Variants in NR4A3 observed in about 807,000 individuals in gnomAD.
NR4A3 encodes the protein nuclear receptor subfamily 4 group A member 3, also known as chondrosarcoma, extraskeletal myxoid, fused to EWS.
Under a neutral mutation model 55.6 loss-of-function variants are expected in NR4A3, and 13 were observed. The ratio of observed to expected loss-of-function variants is 0.23; its 90% CI spans 0.15 to 0.37. The LOEUF (loss-of-function observed/expected upper bound fraction) is 0.37, where lower values mean the gene tolerates loss of function less well. Ranked by LOEUF, NR4A3 falls within the 10% of genes least tolerant of loss-of-function variation. NR4A3 has a pLI of 1.00. For missense variants in NR4A3, 646 were observed against 822.8 expected (o/e 0.79, Z 2.63); for synonymous variants, 342 against 357.9 (o/e 0.96, Z 0.50).
chr9:99,856,139 C>T (rs930261722), intron 7 of NR4A3, among the ~76,000 whole-genome samples: 4 of 151,950 alleles, frequency 2.6e-5, no homozygotes, highest in African/African-American at 9.7e-5. Flanking sequence ...TTATTGCGCA[C>T]TTTATTTCTA....
chr9:99,857,628 T>C (rs1256902993), intron 7 of NR4A3, among the ~76,000 whole-genome samples: 1 of 151,890 alleles, frequency 6.6e-6, no homozygotes, highest in Non-Finnish European at 1.5e-5. Context: ...CTACTAAAAA[T>C]ACAAAAATTA....
In NR4A3 at chr9:99,859,076, T is replaced by G. The variant is rs113760270; in HGVS notation, c.1634-4544T>G. On this transcript the variant is annotated intron_variant, in intron 7 of 7. Transcript: ENST00000395097. Reference sequence around the variant, plus strand: ...ATTTCTGTATGTTACATATCAAAGTTTTGAATATGTAATGCCAGAGTTAAA... The same window carrying G: ...ATTTCTGTATGTTACATATCAAAGTGTTGAATATGTAATGCCAGAGTTAAA... 2.2e-3 allele frequency among the ~76,000 whole-genome samples: 328 copies of G among 152,298 alleles called. 2 individuals carry two copies. Among genetic ancestry groups the G allele is most frequent in the African/African-American group, 7.6e-3 (318 of 41,570 alleles).
At chr9:99,860,213 CG>C (rs1016875268) in intron 7 of NR4A3, among the ~76,000 whole-genome samples, 8 of 116,390 alleles carry the variant, frequency 6.9e-5, no homozygotes, top group South Asian at 2.3e-4. Flanking sequence ...ATGTTGTAAA[CG>C]TTTTTTTTTT....
intron 5 of NR4A3, among the ~76,000 whole-genome samples, chr9:99,838,995 G>A (rs1827605548): frequency 6.6e-6 from 1 of 152,268 alleles, no homozygotes; most frequent in Non-Finnish European, 1.5e-5. Flanking sequence ...CTGAATGGCT[G>A]CTAGGTAGTA....
chr9:99,845,556 T>A (rs2118585933), intron 6 of NR4A3, among the ~76,000 whole-genome samples: 1 of 152,346 alleles, frequency 6.6e-6, no homozygotes, highest in Non-Finnish European at 1.5e-5. Context: ...TTCAGTTATA[T>A]ATTTTTAGGA....
chr9:99,829,975 G>A (rs1313914745), intron 3 of NR4A3, among the ~76,000 whole-genome samples: 2 of 152,194 alleles, frequency 1.3e-5, no homozygotes, highest in African/African-American at 4.8e-5. Context: ...CTGCCACTTA[G>A]GGAAAAGACC....
In NR4A3 at chr9:99,864,029, C is replaced by T; in HGVS notation, c.*162C>T. 2.6e-6 allele frequency: 2 copies of T among 766,474 alleles called. No homozygotes were observed. The highest frequency in any genetic ancestry group is 4.0e-6 in the Non-Finnish European group (2 of 502,200). 47.5% of individuals were successfully genotyped at this position (766,474 alleles called of 1,614,324 possible). A position where few individuals can be genotyped will look rare whatever the true frequency, so the allele number is the denominator to read the frequency against. On this transcript the variant is annotated 3_prime_UTR_variant, in exon 8 of 8. Transcript: ENST00000395097. ...CTTTTTTTTCTGGCTCTTTTCCTTA[C>T]AACCTAAAGCCAGAAAACTTGCAGA...
Position 99,828,239 on chromosome 9 carries a change from C to A in NR4A3, c.197C>A (p.Ser66Ter), listed in dbSNP as rs765586172. The change falls in exon 3 of 8, where the codon TCG (serine) becomes TAG (stop). Residue 66 changes from serine to a stop codon, truncating the protein, a stop_gained. Coordinates refer to ENST00000395097, the MANE Select transcript of NR4A3 (RefSeq NM_006981.4). LOFTEE classifies it high-confidence loss of function. This position sits in a 1 kb window ranked among gnomAD's most constrained non-coding sequence, Gnocchi z 7.7. ...PSISTFVEGY[S>*]SNYELKPSCV... is the part of the protein sequence containing the mutation. Reference sequence around the variant, plus strand: ...ATCAGTACCTTCGTGGAGGGCTACTCGAGCAACTACGAACTCAAGCCTTCC... The same window carrying A: ...ATCAGTACCTTCGTGGAGGGCTACTAGAGCAACTACGAACTCAAGCCTTCC... 1 of 1,614,044 alleles carries A rather than the reference C, an allele frequency of 6.2e-7. No individual in the cohort carries two copies. The highest frequency in any genetic ancestry group is 8.5e-7 in the Non-Finnish European group (1 of 1,179,982).
At position 99,823,935 on chromosome 9, in the gene NR4A3, C is replaced by T. The variant is rs555152554; in HGVS notation, c.-177+1528C>T. On this transcript the variant is annotated intron_variant, in intron 1 of 7. Transcript: ENST00000395097. ...GGTTGGAAACTCCGCAGAGGAGCCCCGGTCACAATGGTGCGTTTCACGGTT... is the reference window on the plus strand; with the variant it reads ...GGTTGGAAACTCCGCAGAGGAGCCCTGGTCACAATGGTGCGTTTCACGGTT... 1.3e-4 allele frequency among the ~76,000 whole-genome samples: 20 copies of T among 152,212 alleles called. 1 individual carries two copies. The East Asian group carries it at 1.9e-3, about 15-fold the overall frequency.
intron 7 of NR4A3, among the ~76,000 whole-genome samples, chr9:99,860,904 A>G (rs887186101): frequency 3.9e-5 from 6 of 152,242 alleles, no homozygotes; most frequent in African/African-American, 1.4e-4. Context: ...TTGAGCCACA[A>G]TAATCCATGG....
chr9:99,851,934 T>C (rs1207064822), intron 7 of NR4A3, among the ~76,000 whole-genome samples: 1 of 152,238 alleles, frequency 6.6e-6, no homozygotes, highest in African/African-American at 2.4e-5. Flanking sequence ...CCAAGCATTG[T>C]ACCAGTCTCT....
rs545624894 is a variant in NR4A3, at chr9:99,860,213, C to T, written c.1634-3407C>T. On this transcript the variant is annotated intron_variant, in intron 7 of 7. Transcript: ENST00000395097. ...TCTACTCTTTATTTAATGTTGTAAACGTTTTTTTTTTTAATTTTGCTTCAT... is the reference window on the plus strand; with the variant it reads ...TCTACTCTTTATTTAATGTTGTAAATGTTTTTTTTTTTAATTTTGCTTCAT... 1.6e-4 allele frequency among the ~76,000 whole-genome samples: 19 copies of T among 116,480 alleles called. No homozygotes were observed. In the South Asian group the frequency reaches 3.3e-3, roughly 20 times the overall value. The allele number at this position is 116,480 out of a possible 152,430, so 76.4% of individuals were successfully genotyped here.
chr9:99,828,923 T>A lies in NR4A3; in HGVS notation c.881T>A (p.Val294Glu). 1 of 1,468,216 alleles carries A rather than the reference T, an allele frequency of 6.8e-7. No homozygotes were observed. Among genetic ancestry groups the A allele is most frequent in the East Asian group, 2.7e-5 (1 of 36,830 alleles). The allele number at this position is 1,468,216 out of a possible 1,614,324, so 90.9% of individuals were successfully genotyped here. A position where few individuals can be genotyped will look rare whatever the true frequency, so the allele number is the denominator to read the frequency against. ...TCGTCTGGCGAGGGCACGTGTGCCG[T>A]GTGCGGGGACAACGCCGCCTGCCAG... is the stretch of plus-strand genomic sequence containing the variant. ...SSSSGEGTCA[V>E]CGDNAACQHY... Residue 294 changes from valine to glutamate, a missense_variant, in exon 3 of 8, where the codon GTG becomes GAG. This residue lies in a region of NR4A3 where 426 missense variants were observed against 429.4 expected (regional missense o/e 0.99). Coordinates refer to ENST00000395097, the MANE Select transcript of NR4A3 (RefSeq NM_006981.4). This position sits in a 1 kb window ranked among gnomAD's most constrained non-coding sequence, Gnocchi z 7.7.
At chr9:99,853,574 C>T (rs1355699295) in intron 7 of NR4A3, among the ~76,000 whole-genome samples, 7 of 56,074 alleles carry the variant, frequency 1.2e-4, no homozygotes, top group Admixed American at 6.1e-4. Context: ...TGAGAATATG[C>T]GGTGTTTGGT....
Position 99,821,970 on chromosome 9 carries a change from G to C in NR4A3, c.-614G>C, listed in dbSNP as rs1325843328. 7.2e-6 allele frequency: 1 copy of C among 139,364 alleles called. No individual in the cohort carries two copies. The highest frequency in any genetic ancestry group is 1.5e-5 in the Non-Finnish European group (1 of 66,304). The allele number at this position is 139,364 out of a possible 1,614,324, so 8.6% of individuals were successfully genotyped here. A position where few individuals can be genotyped will look rare whatever the true frequency, so the allele number is the denominator to read the frequency against. ...TCCTCCGCTCCCCATACACAGACGC[G>C]CTCACACCCGCTCCCTCACTCGCAC... On this transcript the variant is annotated 5_prime_UTR_variant, in exon 1 of 8. Transcript: ENST00000395097.
At chr9:99,839,203 G>A (rs1378314847) in intron 5 of NR4A3, among the ~76,000 whole-genome samples, 1 of 152,120 alleles carries the variant, frequency 6.6e-6, no homozygotes, top group Non-Finnish European at 1.5e-5. Flanking sequence ...AAAAAATTGG[G>A]GGGAAAATAT....
chr9:99,858,950 A>G (rs1445747877), intron 7 of NR4A3, among the ~76,000 whole-genome samples: 1 of 152,188 alleles, frequency 6.6e-6, no homozygotes, highest in African/African-American at 2.4e-5. Context: ...GGTAGCTTGT[A>G]GTAGAGATTC....
chr9:99,841,639 G>A (rs1461674676), intron 5 of NR4A3, among the ~76,000 whole-genome samples: 1 of 152,294 alleles, frequency 6.6e-6, no homozygotes, highest in African/African-American at 2.4e-5. Flanking sequence ...GAAGGCCAGG[G>A]ATGGTACACA....
intron 5 of NR4A3, chr9:99,834,722 T>C (rs1827521588): frequency 1.2e-6 from 1 of 838,854 alleles, no homozygotes; most frequent in African/African-American, 1.8e-5. Context: ...AAATGATTAG[T>C]GTACCTGCTG....
Sources: gnomAD v4.1 joint callset for allele counts (sites outside exome capture counted in the v4.1 genomes callset) on GRCh38, gnomAD v4.1.1 for gene constraint, gnomAD v4.1.1 regional missense constraint, Gnocchi (gnomAD v3.1) non-coding constraint, MANE v1.5 for transcripts, NCBI Gene and HGNC (gene_info 2026-07-23, HGNC 2026-07-21) for gene names.